Variants in EIF2AK1 observed in about 807,000 individuals in gnomAD.
EIF2AK1 encodes eukaryotic translation initiation factor 2-alpha kinase 1.
EIF2AK1 carries 54 observed loss-of-function variants against 77.9 expected under a neutral mutation model. That is an observed-to-expected ratio of 0.69 (90% CI 0.56 to 0.87). EIF2AK1 has a LOEUF of 0.87. EIF2AK1 is among the 40% of genes least tolerant of loss of function. The pLI, the probability that EIF2AK1 is intolerant of heterozygous loss-of-function variation, is 0.00. For synonymous variants in EIF2AK1, 314 were observed against 290.5 expected (o/e 1.08, Z -0.82); for missense variants, 810 against 768.6 (o/e 1.05, Z -0.64).
In EIF2AK1 at chr7:6,023,698, GT is replaced by G; in HGVS notation, c.*974del. Reference sequence around the variant, plus strand: ...CCTCAAGCTCCTTAAGTGAATTGCCGTAACTGATTTTAAAGGGTTTAGATTT... The same window carrying G: ...CCTCAAGCTCCTTAAGTGAATTGCCGAACTGATTTTAAAGGGTTTAGATTT... On this transcript the variant is annotated 3_prime_UTR_variant, in exon 15 of 15. Coordinates refer to ENST00000199389, the MANE Select transcript of EIF2AK1 (RefSeq NM_014413.4). The G allele has an allele frequency of 6.2e-7, 1 of 1,614,038 alleles. No individual in the cohort carries two copies. The highest frequency in any genetic ancestry group is 2.2e-5 in the East Asian group (1 of 44,892).
chr7:6,025,612 T>G (rs1787721410), intron 14 of EIF2AK1, among the ~76,000 whole-genome samples: 2 of 152,226 alleles, frequency 1.3e-5, no homozygotes, highest in Admixed American at 1.3e-4. Flanking sequence ...AATATGAGTC[T>G]AAGCTCGACT....
chr7:6,052,724 A>T (rs1288991644), intron 2 of EIF2AK1, among the ~76,000 whole-genome samples: 2 of 151,126 alleles, frequency 1.3e-5, no homozygotes, highest in Non-Finnish European at 2.9e-5. Flanking sequence ...ATCAAAGCAC[A>T]CTGAAGGCCG....
intron 11 of EIF2AK1, chr7:6,031,706 A>G (rs1787918589): frequency 2.1e-6 from 2 of 938,768 alleles, no homozygotes; most frequent in African/African-American, 1.6e-5. Flanking sequence ...ATGAGACACG[A>G]CTCCAGCTCA....
At position 6,056,628 on chromosome 7, in the gene EIF2AK1, A is replaced by ATATATATATG. The variant is rs749747260; in HGVS notation, c.119-1925_119-1924insCATATATATA. ...AAAAAAAAAAAATATATATATATAT[A>ATATATATATG]TATATATAAACTCTGTCTGGACATT... On this transcript the variant is annotated intron_variant, in intron 1 of 14. Transcript: ENST00000199389. Among the ~76,000 whole-genome samples, 163 of 75,792 alleles carry ATATATATATG rather than the reference A, an allele frequency of 2.2e-3. 4 individuals carry two copies. The highest frequency in any genetic ancestry group is 7.5e-3 in the Middle Eastern group (1 of 134). The allele number at this position is 75,792 out of a possible 152,430, so 49.7% of individuals were successfully genotyped here.
intron 14 of EIF2AK1, among the ~76,000 whole-genome samples, chr7:6,025,450 A>G (rs10245987): frequency 0.65 from 99,129 of 151,878 alleles, 32,527 homozygotes; most frequent in East Asian, 0.85. Flanking sequence ...GTGAGCCACC[A>G]CGCCCAATGC....
In EIF2AK1 at chr7:6,032,938, T is replaced by C. The variant is rs1024355707; in HGVS notation, c.1333-3906A>G. ...GCACGGTGCTGACCCAGAAGTCAGG[T>C]AAGTTAACTCCACCGAAAATCATTT... On this transcript the variant is annotated intron_variant, in intron 11 of 14. Transcript: ENST00000199389. This position sits in a 1 kb window ranked among gnomAD's most constrained non-coding sequence, Gnocchi z 4.3. 1.9e-6 allele frequency: 3 copies of C among 1,548,534 alleles called. No individual in the cohort carries two copies. In the African/African-American group the frequency reaches 4.1e-5, roughly 21 times the overall value.
rs80078608 is a variant in EIF2AK1, at chr7:6,034,735, A to C, written c.1332+2689T>G. Among the ~76,000 whole-genome samples, 176 of 152,296 alleles carry C rather than the reference A, an allele frequency of 1.2e-3. 1 individual carries two copies. Among genetic ancestry groups the C allele is most frequent in the Non-Finnish European group, 2.4e-3 (165 of 68,026 alleles). On this transcript the variant is annotated intron_variant, in intron 11 of 14. Coordinates refer to ENST00000199389, the MANE Select transcript of EIF2AK1 (RefSeq NM_014413.4). ...GCAGAGCAGTTAGATTTACATAATAAACCTTCCTTTTGCTCTGCCAAAACA... is the reference window on the plus strand; with the variant it reads ...GCAGAGCAGTTAGATTTACATAATACACCTTCCTTTTGCTCTGCCAAAACA...
At chr7:6,056,613 A>AAAAAAAAAAAAATATATATATAT in intron 1 of EIF2AK1, among the ~76,000 whole-genome samples, 2 of 43,728 alleles carry the variant, frequency 4.6e-5, no homozygotes, top group African/African-American at 8.2e-5. Flanking sequence ...AAAAAAAAAA[A>AAAAAAAAAAAAATATATATATAT]ATATATATAT....
intron 2 of EIF2AK1, 68 bp from the exon 3 acceptor site, chr7:6,050,113 A>G: frequency 4.6e-6 from 6 of 1,309,438 alleles, no homozygotes; most frequent in Non-Finnish European, 2.1e-6. Context: ...TAAAGTGTAC[A>G]CAGAGAATAA....
In EIF2AK1 at chr7:6,049,909, T is replaced by C. The variant is rs762214545; in HGVS notation, c.411+3A>G. On this transcript the variant is annotated splice_donor_region_variant and intron_variant, in intron 3 of 14. Coordinates refer to ENST00000199389, the MANE Select transcript of EIF2AK1 (RefSeq NM_014413.4). ...TACCCAAAGTATATTTTTTAGGGCT[T>C]ACCTGACGAACTCTCTCTTTAGCAG... is the stretch of plus-strand genomic sequence containing the variant. 1 of 1,607,366 alleles carries C rather than the reference T, an allele frequency of 6.2e-7. No homozygotes were observed. Among genetic ancestry groups the C allele is most frequent in the Non-Finnish European group, 8.5e-7 (1 of 1,178,598 alleles).
intron 2 of EIF2AK1, among the ~76,000 whole-genome samples, chr7:6,053,050 C>G (rs1033259497): frequency 2.6e-5 from 4 of 152,022 alleles, no homozygotes; most frequent in African/African-American, 9.7e-5. Context: ...TTATGGGATC[C>G]ACAGTTATAT....
intron 1 of EIF2AK1, chr7:6,058,031 CTAGT>C (rs1176343716): frequency 1.5e-5 from 6 of 405,862 alleles, no homozygotes; most frequent in Non-Finnish European, 2.9e-5. Flanking sequence ...ACTCTTTCAC[CTAGT>C]TAGAGTCAAT....
Position 6,035,026 on chromosome 7 carries a change from C to A in EIF2AK1, c.1332+2398G>T, listed in dbSNP as rs1032218155. 6.6e-6 allele frequency among the ~76,000 whole-genome samples: 1 copy of A among 152,154 alleles called. No individual in the cohort carries two copies. The highest frequency in any genetic ancestry group is 2.4e-5 in the African/African-American group (1 of 41,426). On this transcript the variant is annotated intron_variant, in intron 11 of 14. Transcript: ENST00000199389. This position sits in a 1 kb window ranked among gnomAD's most constrained non-coding sequence, Gnocchi z 5.5. ...TCACACTCAAGTCCACACAATTTCA[C>A]AGAAAGCCAGTAACCCAGCCCAGCA...
In EIF2AK1 at chr7:6,036,460, A is replaced by G; in HGVS notation, c.1332+964T>C. 1 of 1,108,060 alleles carries G rather than the reference A, an allele frequency of 9.0e-7. No homozygotes were observed. Among genetic ancestry groups the G allele is most frequent in the African/African-American group, 1.6e-5 (1 of 63,710 alleles). 68.6% of individuals were successfully genotyped at this position (1,108,060 alleles called of 1,614,324 possible). On this transcript the variant is annotated intron_variant, in intron 11 of 14. Transcript: ENST00000199389. This position sits in a 1 kb window ranked among gnomAD's most constrained non-coding sequence, Gnocchi z 4.6. ...TGCATTTTCTGGCTAGACATGTCCCAGAAAATGCTTCACCTATCACCTGTG... is the reference window on the plus strand; with the variant it reads ...TGCATTTTCTGGCTAGACATGTCCCGGAAAATGCTTCACCTATCACCTGTG...
chr7:6,058,754 GGAGA>G lies in EIF2AK1; in HGVS notation c.118+208_118+211del, dbSNP rs1386508339. 4.6e-5 allele frequency among the ~76,000 whole-genome samples: 7 copies of G among 152,338 alleles called. No homozygotes were observed. In the East Asian group the frequency reaches 1.3e-3, roughly 29 times the overall value. ...AGGAACAGAAATGTAAACAAAGGAGGGAGAGGCAGACGTTCTTTTCAATAAATAT... is the reference window on the plus strand; with the variant it reads ...AGGAACAGAAATGTAAACAAAGGAGGGGCAGACGTTCTTTTCAATAAATAT... On this transcript the variant is annotated intron_variant, in intron 1 of 14. Transcript: ENST00000199389.
Position 6,035,892 on chromosome 7 carries a change from G to C in EIF2AK1, c.1332+1532C>G. The C allele has an allele frequency of 1.3e-6, 2 of 1,546,542 alleles. No individual in the cohort carries two copies. The highest frequency in any genetic ancestry group is 1.7e-6 in the Non-Finnish European group (2 of 1,144,490). On this transcript the variant is annotated intron_variant, in intron 11 of 14. Transcript: ENST00000199389. The surrounding 1 kb of genome is among the most constrained non-coding windows in gnomAD (Gnocchi z 5.5). ...ATCAAGCAAAGCAGGCCGACTCCTCGGGGCGGGGGTCAGCTGCATCCGTCT... is the reference window on the plus strand; with the variant it reads ...ATCAAGCAAAGCAGGCCGACTCCTCCGGGCGGGGGTCAGCTGCATCCGTCT...
rs201680990 is a variant in EIF2AK1, at chr7:6,054,579, G to T, written c.244C>A (p.Pro82Thr). Residue 82 changes from proline to threonine, a missense_variant, in exon 2 of 15, where the codon CCA becomes ACA. Around this residue, in one of 3 missense-constraint regions of EIF2AK1, gnomAD observed 246 missense variants for 199.0 expected, o/e 1.24. Transcript: ENST00000199389. Reference sequence around the variant, plus strand: ...ACCTGTCTTGAACGAAGTGGGTTTGGTTCATGCACGTGGCTCAAGTGCTCC... The same window carrying T: ...ACCTGTCTTGAACGAAGTGGGTTTGTTTCATGCACGTGGCTCAAGTGCTCC... ...LLEHLSHVHE[P>T]NPLRSRQVFK... 6.2e-7 allele frequency: 1 copy of T among 1,614,130 alleles called. No individual in the cohort carries two copies. Among genetic ancestry groups the T allele is most frequent in the African/African-American group, 1.3e-5 (1 of 75,022 alleles).
At position 6,023,747 on chromosome 7, in the gene EIF2AK1, C is replaced by G. The variant is rs779534750; in HGVS notation, c.*926G>C. The stretch of plus-strand genomic sequence containing the variant: ...TTTTAAGAATGGTGCTCTTTCATGC[C>G]TATTATCAGTAAGGGGACTTGTATT... On this transcript the variant is annotated 3_prime_UTR_variant, in exon 15 of 15. Transcript: ENST00000199389. The G allele has an allele frequency of 8.7e-6, 14 of 1,612,658 alleles. No individual in the cohort carries two copies. The highest frequency in any genetic ancestry group is 1.2e-5 in the Non-Finnish European group (14 of 1,179,316).
At position 6,036,518 on chromosome 7, in the gene EIF2AK1, A is replaced by C. The variant is rs1192849625; in HGVS notation, c.1332+906T>G. 1 of 548,848 alleles carries C rather than the reference A, an allele frequency of 1.8e-6. No individual in the cohort carries two copies. The highest frequency in any genetic ancestry group is 1.9e-5 in the African/African-American group (1 of 52,200). 34.0% of individuals were successfully genotyped at this position (548,848 alleles called of 1,614,324 possible). On this transcript the variant is annotated intron_variant, in intron 11 of 14. Transcript: ENST00000199389. This position sits in a 1 kb window ranked among gnomAD's most constrained non-coding sequence, Gnocchi z 4.6. ...AAATGTACAAACTACTGATTCTTGA[A>C]CATGTTCCAAAATACAAAGTGATTT...
Sources: gnomAD v4.1 joint callset for allele counts (sites outside exome capture counted in the v4.1 genomes callset) on GRCh38, gnomAD v4.1.1 for gene constraint, gnomAD v4.1.1 regional missense constraint, Gnocchi (gnomAD v3.1) non-coding constraint, MANE v1.5 for transcripts, NCBI Gene and HGNC (gene_info 2026-07-23, HGNC 2026-07-21) for gene names.